MGAT4C: variants seen among roughly 807,000 people sequenced by gnomAD.
MGAT4C encodes alpha-1,3-mannosyl-glycoprotein 4-beta-N-acetylglucosaminyltransferase C.
A neutral mutation model predicts 40.1 loss-of-function variants in MGAT4C; 19 were observed. That is an observed-to-expected ratio of 0.47 (90% confidence interval 0.33 to 0.70). MGAT4C has a LOEUF of 0.70. MGAT4C is among the 30% of genes least tolerant of loss of function. The pLI is 0.02. For synonymous variants in MGAT4C, 181 were observed against 187.1 expected (o/e 0.97, Z 0.27); for missense variants, 491 against 563.2 (o/e 0.87, Z 1.30).
chr12:86,473,063 C>A (rs146906144), intron 2 of MGAT4C, among the ~76,000 whole-genome samples: 4,439 of 152,200 alleles, frequency 0.029, 93 homozygotes, highest in Non-Finnish European at 0.046. Flanking sequence ...TGAAGCAATT[C>A]TCCTGCCTCA....
At chr12:86,367,649 A>G (rs75232542) in intron 3 of MGAT4C, among the ~76,000 whole-genome samples, 2 of 152,144 alleles carry the variant, frequency 1.3e-5, no homozygotes, top group Non-Finnish European at 2.9e-5. Flanking sequence ...AATACAAAAA[A>G]TTAGCTGGGC....
chr12:86,201,218 T>C (rs1454207977), intron 1 of MGAT4C, among the ~76,000 whole-genome samples: 1 of 152,152 alleles, frequency 6.6e-6, no homozygotes, highest in East Asian at 1.9e-4. Context: ...TCTGCATGTA[T>C]GCATGACCCA....
chr12:86,071,715 G>A (rs1868516957), intron 1 of MGAT4C, among the ~76,000 whole-genome samples: 1 of 152,020 alleles, frequency 6.6e-6, no homozygotes, highest in Non-Finnish European at 1.5e-5. Flanking sequence ...GTATGAGTTA[G>A]GAATTTTTAT....
chr12:86,182,712 A>G (rs960890481), intron 1 of MGAT4C, among the ~76,000 whole-genome samples: 25 of 152,084 alleles, frequency 1.6e-4, no homozygotes, highest in Admixed American at 2.0e-4. Flanking sequence ...GATAGCTTAG[A>G]TTGACATAAA....
At chr12:86,315,406 A>G (rs1347274331) in intron 4 of MGAT4C, among the ~76,000 whole-genome samples, 1 of 152,172 alleles carries the variant, frequency 6.6e-6, no homozygotes, top group Non-Finnish European at 1.5e-5. Flanking sequence ...TCAGAGTATC[A>G]GAATCCTAGA....
intron 1 of MGAT4C, among the ~76,000 whole-genome samples, chr12:86,791,512 T>C (rs1267828754): frequency 1.3e-5 from 2 of 151,888 alleles, no homozygotes. Context: ...AGAGAAAAAG[T>C]ACATAAATTA....
At chr12:86,557,309 G>A (rs1959656562) in intron 2 of MGAT4C, among the ~76,000 whole-genome samples, 1 of 152,084 alleles carries the variant, frequency 6.6e-6, no homozygotes, top group Non-Finnish European at 1.5e-5. Context: ...AATATTTTTG[G>A]GAAAGGCCTG....
intron 3 of MGAT4C, among the ~76,000 whole-genome samples, chr12:86,338,981 A>AG (rs1954848104): frequency 6.6e-6 from 1 of 150,920 alleles, no homozygotes; most frequent in Non-Finnish European, 1.5e-5. Flanking sequence ...AAAAAAAAAA[A>AG]ACAGAGAGAA....
chr12:86,195,559 A>T (rs1268845877), intron 1 of MGAT4C, among the ~76,000 whole-genome samples: 1 of 152,136 alleles, frequency 6.6e-6, no homozygotes. Flanking sequence ...CTAAAATATA[A>T]AGATTTATTT....
At chr12:86,418,522 C>T (rs1346413071) in intron 3 of MGAT4C, among the ~76,000 whole-genome samples, 2 of 151,838 alleles carry the variant, frequency 1.3e-5, no homozygotes, top group Non-Finnish European at 2.9e-5. Flanking sequence ...AACCGGGAGG[C>T]GGAGTTTGCA....
At chr12:86,484,614 C>T (rs1957987356) in intron 2 of MGAT4C, among the ~76,000 whole-genome samples, 1 of 152,218 alleles carries the variant, frequency 6.6e-6, no homozygotes, top group African/African-American at 2.4e-5. Flanking sequence ...ATGGGAGGAT[C>T]CCCCACACTC....
intron 1 of MGAT4C, among the ~76,000 whole-genome samples, chr12:86,073,416 A>G (rs1237000083): frequency 6.6e-6 from 1 of 152,188 alleles, no homozygotes; most frequent in African/African-American, 2.4e-5. Flanking sequence ...GAAAATGTGG[A>G]AGCAACTTTG....
At chr12:86,660,631 T>C (rs1412144849) in intron 2 of MGAT4C, among the ~76,000 whole-genome samples, 1 of 152,118 alleles carries the variant, frequency 6.6e-6, no homozygotes, top group African/African-American at 2.4e-5. Context: ...TGGATGATAT[T>C]AGCAAAAGTG....
intron 1 of MGAT4C, among the ~76,000 whole-genome samples, chr12:86,758,421 T>C (rs1282929790): frequency 1.3e-5 from 2 of 151,538 alleles, no homozygotes; most frequent in African/African-American, 4.8e-5. Flanking sequence ...AATTAGTATT[T>C]ACTTAGCACA....
intron 4 of MGAT4C, among the ~76,000 whole-genome samples, chr12:86,294,539 A>C (rs1953613950): frequency 6.6e-6 from 1 of 152,222 alleles, no homozygotes; most frequent in Non-Finnish European, 1.5e-5. Context: ...AAAAGAGAAC[A>C]AAGTACTTCA....
chr12:86,180,347 G>A lies in MGAT4C; in HGVS notation c.-57+75892C>T, dbSNP rs568385889. ...CTAGGGCAGTGCAGAAGGGAAATACGGGGTCGGATCCCCACATAGAGTCCT... is the reference window on the plus strand; with the variant it reads ...CTAGGGCAGTGCAGAAGGGAAATACAGGGTCGGATCCCCACATAGAGTCCT... On this transcript the variant is annotated intron_variant, in intron 1 of 4. Coordinates refer to ENST00000611864, the MANE Select transcript of MGAT4C (RefSeq NM_001351288.2). Among the ~76,000 whole-genome samples the A allele has an allele frequency of 3.3e-5, 5 of 152,346 alleles. No individual in the cohort carries two copies. In the South Asian group the frequency reaches 8.3e-4, roughly 25 times the overall value.
In MGAT4C at chr12:85,959,049, A is replaced by G. The variant is rs1045758122; in HGVS notation, c.*20240T>C. 1 of 151,622 alleles carries G rather than the reference A, an allele frequency of 6.6e-6. No individual in the cohort carries two copies. Among genetic ancestry groups the G allele is most frequent in the African/African-American group, 2.4e-5 (1 of 41,292 alleles). The allele number at this position is 151,622 out of a possible 1,614,324, so 9.4% of individuals were successfully genotyped here. A position where few individuals can be genotyped will look rare whatever the true frequency, so the allele number is the denominator to read the frequency against. On this transcript the variant is annotated 3_prime_UTR_variant, in exon 5 of 5. Transcript: ENST00000611864. ...ATACAATACAATACAATACAATACAATACAATACAATACAATACAATACAA... is the reference window on the plus strand; with the variant it reads ...ATACAATACAATACAATACAATACAGTACAATACAATACAATACAATACAA...
chr12:86,581,067 A>C (rs759803000), intron 2 of MGAT4C, among the ~76,000 whole-genome samples: 4 of 151,390 alleles, frequency 2.6e-5, no homozygotes, highest in Non-Finnish European at 5.9e-5. Flanking sequence ...AACATTTCTC[A>C]AGACGCCCTT....
At chr12:86,390,711 G>T (rs1050250282) in intron 3 of MGAT4C, among the ~76,000 whole-genome samples, 1 of 151,858 alleles carries the variant, frequency 6.6e-6, no homozygotes, top group Non-Finnish European at 1.5e-5. Flanking sequence ...ACCAGTAGTC[G>T]CAACCTTTTC....
Sources: allele counts gnomAD v4.1 joint callset (sites outside exome capture counted in the v4.1 genomes callset), GRCh38; gene constraint gnomAD v4.1.1; transcripts MANE v1.5; gene names NCBI Gene and HGNC (gene_info 2026-07-23, HGNC 2026-07-21).